Variants in CCDC125 observed in about 807,000 individuals in gnomAD.
The protein encoded by CCDC125 is coiled-coil domain containing 125, also known as coiled-coil domain-containing protein 125.
Under a neutral mutation model 57.4 loss-of-function variants are expected in CCDC125, and 43 were observed. That is an observed-to-expected ratio of 0.75 (90% CI 0.59 to 0.97). The LOEUF is 0.97. Ranked by LOEUF, CCDC125 falls within the 50% of genes least tolerant of loss-of-function variation. The probability of loss-of-function intolerance (pLI) is 0.00; values close to 1 mark genes in which losing one functional copy is unlikely to be tolerated. For missense variants in CCDC125, 563 were observed against 595.7 expected (o/e 0.95, Z 0.57); for synonymous variants, 187 against 195.2 (o/e 0.96, Z 0.35).
At chr5:69,294,035 G>C (rs947197263) in intron 9 of CCDC125, 10 of 451,562 alleles carry the variant, frequency 2.2e-5, no homozygotes, top group Non-Finnish European at 2.6e-5. Flanking sequence ...AAGCCACACA[G>C]CTAGTAAATG....
At chr5:69,299,788 G>C (rs1290623921) in intron 8 of CCDC125, among the ~76,000 whole-genome samples, 1 of 152,174 alleles carries the variant, frequency 6.6e-6, no homozygotes, top group Non-Finnish European at 1.5e-5. Flanking sequence ...AAATAAACGG[G>C]GCAGAAGTGG....
In CCDC125 at chr5:69,285,516, G is replaced by A. The variant is rs377582346; in HGVS notation, c.1100-49C>T. The stretch of plus-strand genomic sequence containing the variant: ...GCTGAGACATTAAAATATCCTCACT[G>A]ATATACTTCCAGCAAAAGAGGTAAC... On this transcript the variant is annotated intron_variant, in intron 10 of 11. Transcript: ENST00000396496. 1.0e-5 allele frequency: 16 copies of A among 1,546,856 alleles called. No homozygotes were observed. The East Asian group carries it at 3.7e-4, about 36-fold the overall frequency.
At chr5:69,301,267 C>T (rs1024547534) in intron 7 of CCDC125, among the ~76,000 whole-genome samples, 4 of 152,016 alleles carry the variant, frequency 2.6e-5, no homozygotes, top group Non-Finnish European at 4.4e-5. Context: ...TGAGCAACAG[C>T]GCCTGGCTTG....
intron 8 of CCDC125, among the ~76,000 whole-genome samples, chr5:69,296,852 T>A (rs932849859): frequency 1.3e-5 from 2 of 151,734 alleles, no homozygotes; most frequent in African/African-American, 4.8e-5. Context: ...TAATCCCAGC[T>A]ACTCGGGAGG....
At chr5:69,277,162 C>T (rs772450221), downstream of CCDC125, 1 of 1,558,968 alleles carries the variant, frequency 6.4e-7, no homozygotes, top group East Asian at 2.3e-5. Flanking sequence ...CATTTTACTA[C>T]TGAGGGAAAT....
rs761671936 is a variant in CCDC125, at chr5:69,320,522, A to T, written c.19T>A (p.Ser7Thr). ...AGCTGCACGTCTGACTCACTTGATG[A>T]TCTTGCCACCTTGCTCATGAGCCAA... MSKVAR[S>T]SSESDVQLWE... The change falls in exon 2 of 12, where the codon TCA becomes ACA. Residue 7 changes from serine (S) to threonine (T), a missense_variant. Ser to Thr is a moderately conservative substitution (Grantham distance 58). Transcript: ENST00000396496. 1.2e-6 allele frequency: 2 copies of T among 1,609,612 alleles called. No homozygotes were observed. The highest frequency in any genetic ancestry group is 1.7e-6 in the Non-Finnish European group (2 of 1,177,802).
chr5:69,276,877 G>A (rs1250077462), downstream of CCDC125, among the ~76,000 whole-genome samples: 3 of 152,148 alleles, frequency 2.0e-5, no homozygotes, highest in South Asian at 2.1e-4. Flanking sequence ...TGAATACTTC[G>A]GCAGCTTTTG....
At chr5:69,312,852 TTGAGAA>T (rs1280955639) in intron 3 of CCDC125, among the ~76,000 whole-genome samples, 4 of 152,176 alleles carry the variant, frequency 2.6e-5, no homozygotes, top group African/African-American at 9.7e-5. Flanking sequence ...CTTTATTCAC[TTGAGAA>T]TTTTTTTTTT....
chr5:69,286,188 CTATAT>C (rs1753333509), intron 10 of CCDC125, among the ~76,000 whole-genome samples: 1 of 51,332 alleles, frequency 1.9e-5, no homozygotes, highest in African/African-American at 7.9e-5. Context: ...AAATGGTAAA[CTATAT>C]ATATATATAT....
At chr5:69,287,883 A>T (rs910525291) in intron 10 of CCDC125, among the ~76,000 whole-genome samples, 4 of 151,736 alleles carry the variant, frequency 2.6e-5, no homozygotes, top group African/African-American at 9.7e-5. Context: ...TCAATTATTT[A>T]AAATTCTGCC....
downstream of CCDC125, chr5:69,276,777 G>C (rs1399689577): frequency 9.1e-7 from 1 of 1,100,716 alleles, no homozygotes; most frequent in African/African-American, 1.6e-5. Context: ...CAACAGCAAA[G>C]AAATGTAGCT....
At chr5:69,298,618 G>A (rs1028858607) in intron 8 of CCDC125, among the ~76,000 whole-genome samples, 1 of 152,076 alleles carries the variant, frequency 6.6e-6, no homozygotes, top group African/African-American at 2.4e-5. Context: ...AACGGGTTGC[G>A]GCCAGGACCC....
rs149644639 is a variant in CCDC125 at position 69,285,005 on chromosome 5, G to A, written c.1230+332C>T. Among the ~76,000 whole-genome samples, 1,282 of 152,230 alleles carry A rather than the reference G, an allele frequency of 8.4e-3. 52 individuals are homozygous for A. Among genetic ancestry groups the A allele is most frequent in the Admixed American group, 0.077 (1,179 of 15,266 alleles). Reference sequence around the variant, plus strand: ...CCAGCTACTCTAGAGGCTGAGGCAGGAGAATTGCTTGAACCCGGGAGGTGG... The same window carrying A: ...CCAGCTACTCTAGAGGCTGAGGCAGAAGAATTGCTTGAACCCGGGAGGTGG... On this transcript the variant is annotated intron_variant, in intron 11 of 11. Coordinates refer to ENST00000396496, the MANE Select transcript of CCDC125 (RefSeq NM_176816.5).
chr5:69,327,184 T>C (rs1429799711), intron 1 of CCDC125, among the ~76,000 whole-genome samples: 1 of 149,330 alleles, frequency 6.7e-6, no homozygotes, highest in African/African-American at 2.5e-5. Flanking sequence ...AAGCTCCGCC[T>C]CCCGGGTTCA....
chr5:69,307,310 T>G (rs1462888390), intron 5 of CCDC125, among the ~76,000 whole-genome samples: 1 of 151,770 alleles, frequency 6.6e-6, no homozygotes, highest in African/African-American at 2.4e-5. Flanking sequence ...TAACTACCTT[T>G]ATAGTGAAGA....
At chr5:69,274,355 G>A in the CCDC125 span, among the ~76,000 whole-genome samples, 1 of 152,122 alleles carries the variant, frequency 6.6e-6, no homozygotes, top group Non-Finnish European at 1.5e-5. Context: ...GCAGCTGTAG[G>A]CCGGTGCATC....
intron 10 of CCDC125, among the ~76,000 whole-genome samples, chr5:69,289,213 A>G (rs1489536651): frequency 6.6e-6 from 1 of 152,158 alleles, no homozygotes; most frequent in Non-Finnish European, 1.5e-5. Context: ...CACCTCTATC[A>G]AAACAAACAA....
Position 69,281,851 on chromosome 5 carries a change from CATT to C in CCDC125, c.*875_*877del, listed in dbSNP as rs1215716739. The C allele has an allele frequency of 6.6e-6, 1 of 150,466 alleles. No individual in the cohort carries two copies. The highest frequency in any genetic ancestry group is 2.4e-5 in the African/African-American group (1 of 40,956). 9.3% of individuals were successfully genotyped at this position (150,466 alleles called of 1,614,324 possible). On this transcript the variant is annotated 3_prime_UTR_variant, in exon 12 of 12. Coordinates refer to ENST00000396496, the MANE Select transcript of CCDC125 (RefSeq NM_176816.5). The stretch of plus-strand genomic sequence containing the variant: ...ATAATTTTTTGTTTTTCCCAAAAAT[CATT>C]ATTTTTTGTTTTAGGATGTTGGCAA...
At chr5:69,317,912 A>C (rs532298880) in intron 2 of CCDC125, among the ~76,000 whole-genome samples, 1 of 150,324 alleles carries the variant, frequency 6.7e-6, no homozygotes, top group Non-Finnish European at 1.5e-5. Flanking sequence ...AGGTGGGAGG[A>C]CTGCTTGAGG....
Sources: allele counts gnomAD v4.1 joint callset (sites outside exome capture counted in the v4.1 genomes callset), GRCh38; gene constraint gnomAD v4.1.1; transcripts MANE v1.5; gene names NCBI Gene and HGNC (gene_info 2026-07-23, HGNC 2026-07-21).